MIA2: variants seen among roughly 807,000 people sequenced by gnomAD.
MIA2 encodes melanoma inhibitory activity protein 2.
A neutral mutation model predicts 167.8 loss-of-function variants in MIA2; 127 were observed. The observed-to-expected ratio is 0.76, with a 90% CI of 0.66 to 0.88. MIA2 has a LOEUF of 0.88. Among genes scored for constraint, MIA2 ranks in the 40% least tolerant of loss-of-function variants. The probability of loss-of-function intolerance (pLI) is 0.00; values close to 1 mark genes in which losing one functional copy is unlikely to be tolerated. For missense variants in MIA2, 1,690 were observed against 1,624.7 expected, an observed-to-expected ratio of 1.04 and a Z score of -0.69; for synonymous variants, 552 against 541.9, an observed-to-expected ratio of 1.02 and a Z score of -0.26.
chr14:39,294,003 G>A lies in MIA2; in HGVS notation c.2323G>A (p.Ala775Thr). 1.2e-6 allele frequency: 2 copies of A among 1,607,396 alleles called. No homozygotes were observed. Among genetic ancestry groups the A allele is most frequent in the Non-Finnish European group, 1.7e-6 (2 of 1,177,034 alleles). Reference sequence around the variant, plus strand: ...TTGCCTGATACTGTGTTTCTAGATGGCGGATATTTCAAAAAGGATACAGTC... The same window carrying A: ...TTGCCTGATACTGTGTTTCTAGATGACGGATATTTCAAAAAGGATACAGTC... ...SKHSEQDELM[A>T]DISKRIQSLE... Residue 775 changes from alanine to threonine, a missense_variant, in exon 12 of 29, where the codon GCG (alanine) becomes ACG (threonine). Ala to Thr is a moderately conservative substitution (Grantham distance 58). Transcript: ENST00000640607.
intron 6 of MIA2, chr14:39,253,431 A>C: frequency 2.0e-6 from 1 of 499,078 alleles, no homozygotes; most frequent in Non-Finnish European, 3.5e-6. Flanking sequence ...CCCATTTTTC[A>C]AATTAGGGAA....
chr14:39,340,318 T>C (rs1226709624), intron 25 of MIA2, among the ~76,000 whole-genome samples: 1 of 152,094 alleles, frequency 6.6e-6, no homozygotes. Flanking sequence ...TAATCATGAG[T>C]TAAGTGTGGT....
chr14:39,349,433 G>C (rs577052783), intron 28 of MIA2, among the ~76,000 whole-genome samples: 8 of 152,098 alleles, frequency 5.3e-5, no homozygotes, highest in African/African-American at 1.9e-4. Flanking sequence ...ACGTTTGACC[G>C]AATTTTTGGA....
At position 39,234,008 on chromosome 14, in the gene MIA2, C is replaced by T; in HGVS notation, c.-107C>T. The T allele has an allele frequency of 1.7e-6, 1 of 582,100 alleles. No individual in the cohort carries two copies. The allele number at this position is 582,100 out of a possible 1,614,324, so 36.1% of individuals were successfully genotyped here. A position where few individuals can be genotyped will look rare whatever the true frequency, so the allele number is the denominator to read the frequency against. On this transcript the variant is annotated 5_prime_UTR_variant, in exon 1 of 29. Coordinates refer to ENST00000640607, the MANE Select transcript of MIA2 (RefSeq NM_001329214.4). ...TTTTTAAAACTTCAACCCTTTTTCT[C>T]TTATAGTTAGTGAAGAGAGTAGAAT... is the stretch of plus-strand genomic sequence containing the variant.
intron 6 of MIA2, among the ~76,000 whole-genome samples, chr14:39,254,395 C>G (rs148972478): frequency 1.3e-5 from 2 of 152,170 alleles, no homozygotes. Flanking sequence ...GAATTTTAAG[C>G]AGGGAGTAAA....
intron 23 of MIA2, among the ~76,000 whole-genome samples, chr14:39,377,552 A>C (rs1425883543): frequency 1.3e-5 from 2 of 152,200 alleles, no homozygotes; most frequent in Non-Finnish European, 2.9e-5. Context: ...AAATAATAAA[A>C]ATGAAAACAT....
At chr14:39,251,926 A>C (rs2054599218) in intron 4 of MIA2, among the ~76,000 whole-genome samples, 2 of 152,182 alleles carry the variant, frequency 1.3e-5, no homozygotes, top group South Asian at 4.1e-4. Context: ...AAATGCATAC[A>C]TAGCAGGAAT....
chr14:39,364,365 A>C (rs79621028), intron 23 of MIA2, among the ~76,000 whole-genome samples: 1 of 135,278 alleles, frequency 7.4e-6, no homozygotes, highest in Non-Finnish European at 1.5e-5. Context: ...CAAGACTCTC[A>C]AAAAAAAAAA....
chr14:39,295,254 A>G (rs1190014931), intron 13 of MIA2, among the ~76,000 whole-genome samples: 1 of 152,180 alleles, frequency 6.6e-6, no homozygotes, highest in Non-Finnish European at 1.5e-5. Context: ...AAGCCAGGGC[A>G]TTTAGCATTT....
intron 3 of MIA2, among the ~76,000 whole-genome samples, chr14:39,246,227 G>A (rs1466505770): frequency 6.6e-6 from 1 of 151,908 alleles, no homozygotes; most frequent in Non-Finnish European, 1.5e-5. Flanking sequence ...CTCCTGAGTA[G>A]CTGGGACTAC....
chr14:39,242,642 A>G (rs1052675577), intron 3 of MIA2, among the ~76,000 whole-genome samples: 14 of 151,966 alleles, frequency 9.2e-5, no homozygotes, highest in African/African-American at 3.4e-4. Flanking sequence ...GCAATTTACA[A>G]TTAGTTTTTT....
rs746940520 is a variant in MIA2, at chr14:39,277,776, A to ATATATT, written c.2019+720_2019+725dup. Among the ~76,000 whole-genome samples the ATATATT allele has an allele frequency of 6.0e-3, 213 of 35,766 alleles. 48 individuals are homozygous for ATATATT. The highest frequency in any genetic ancestry group is 0.021 in the Middle Eastern group (1 of 48). 23.5% of individuals were successfully genotyped at this position (35,766 alleles called of 152,430 possible). Reference sequence around the variant, plus strand: ...TATATATATATATATATATATATATATATATTTATATTTAAAGAGATGGGG... The same window carrying ATATATT: ...TATATATATATATATATATATATATATATATTTATATTTATATTTAAAGAGATGGGG... On this transcript the variant is annotated intron_variant, in intron 7 of 28. Coordinates refer to ENST00000640607, the MANE Select transcript of MIA2 (RefSeq NM_001329214.4).
At position 39,308,560 on chromosome 14, in the gene MIA2, A is replaced by G; in HGVS notation, c.2990A>G (p.Tyr997Cys). 6.4e-7 allele frequency: 1 copy of G among 1,562,482 alleles called. No individual in the cohort carries two copies. ...QQKLKVMTEL[Y>C]QENEMKLHRK... ...AAACTTAAAGTAATGACTGAATTAT[A>G]TCAAGAAAATGAAATGAAACTCCAC... is the stretch of plus-strand genomic sequence containing the variant. The change falls in exon 18 of 29, where the codon TAT becomes TGT. Residue 997 changes from tyrosine to cysteine, a missense_variant. Coordinates refer to ENST00000640607, the MANE Select transcript of MIA2 (RefSeq NM_001329214.4).
At chr14:39,385,375 A>C in intron 23 of MIA2, 1 of 1,066,746 alleles carries the variant, frequency 9.4e-7, no homozygotes, top group Non-Finnish European at 1.5e-6. Context: ...ACATTCATAA[A>C]CTATAAGGTG....
chr14:39,274,734 G>A (rs1293480177), intron 6 of MIA2, among the ~76,000 whole-genome samples: 1 of 151,274 alleles, frequency 6.6e-6, no homozygotes, highest in Non-Finnish European at 1.5e-5. Flanking sequence ...CCAAGACTCA[G>A]ATTCTTTGCT....
At chr14:39,321,669 C>A (rs1219644862) in intron 24 of MIA2, among the ~76,000 whole-genome samples, 1 of 151,752 alleles carries the variant, frequency 6.6e-6, no homozygotes, top group Non-Finnish European at 1.5e-5. Flanking sequence ...CTATATATTA[C>A]ATGATATAAT....
At chr14:39,318,571 G>A (rs1301613181) in intron 22 of MIA2, among the ~76,000 whole-genome samples, 1 of 152,104 alleles carries the variant, frequency 6.6e-6, no homozygotes, top group South Asian at 2.1e-4. Flanking sequence ...TCCAATATTA[G>A]TTTTTAGTCC....
intron 23 of MIA2, among the ~76,000 whole-genome samples, chr14:39,363,381 T>C (rs561265524): frequency 6.6e-6 from 1 of 152,194 alleles, no homozygotes; most frequent in South Asian, 2.1e-4. Flanking sequence ...AATACAAAAA[T>C]TAGCTGGGTG....
rs776491295 is a variant in MIA2 at position 39,313,349 on chromosome 14, A to G, written c.3027A>G (p.Thr1009=). 1.3e-6 allele frequency: 2 copies of G among 1,568,388 alleles called. No individual in the cohort carries two copies. Among genetic ancestry groups the G allele is most frequent in the South Asian group, 1.2e-5 (1 of 86,690 alleles). ...ENEMKLHRKL[T]VEENYRLEKE... ...ATTTTTTGTTTTTAAGGAAATTAACAGTAGAGGAAAATTATCGGTTAGAGA... is the reference window on the plus strand; with the variant it reads ...ATTTTTTGTTTTTAAGGAAATTAACGGTAGAGGAAAATTATCGGTTAGAGA... The change falls in exon 19 of 29, where the codon ACA becomes ACG. Residue 1009 remains threonine (T), a synonymous_variant. Transcript: ENST00000640607.
Sources: allele counts gnomAD v4.1 joint callset (sites outside exome capture counted in the v4.1 genomes callset), GRCh38; gene constraint gnomAD v4.1.1; transcripts MANE v1.5; gene names NCBI Gene and HGNC (gene_info 2026-07-23, HGNC 2026-07-21).